SLC7A14: variants seen among roughly 807,000 people sequenced by gnomAD.
The protein encoded by SLC7A14 is gamma-aminobutyric acid transporter SLC7A14.
Under a neutral mutation model 60.2 loss-of-function variants are expected in SLC7A14, and 37 were observed. The ratio of observed to expected loss-of-function variants is 0.61; its 90% confidence interval spans 0.47 to 0.81. The LOEUF (loss-of-function observed/expected upper bound fraction) is 0.81, where lower values mean the gene tolerates loss of function less well. Among genes scored for constraint, SLC7A14 ranks in the 30% least tolerant of loss-of-function variants. The pLI is 0.00. For synonymous variants in SLC7A14, 399 were observed against 395.8 expected, an observed-to-expected ratio of 1.01 and a Z score of -0.10; for missense variants, 886 against 982.7, an observed-to-expected ratio of 0.90 and a Z score of 1.32.
intron 1 of SLC7A14, among the ~76,000 whole-genome samples, chr3:170,576,037 A>G (rs957348766): frequency 5.3e-5 from 8 of 152,194 alleles, no homozygotes; most frequent in African/African-American, 1.9e-4. Flanking sequence ...TGCTGGTCCC[A>G]TTTCTACAAT....
rs150302971 is a variant in SLC7A14 at position 170,551,600 on chromosome 3, G to A, written c.-152-24512C>T. Among the ~76,000 whole-genome samples, 331 of 152,200 alleles carry A rather than the reference G, an allele frequency of 2.2e-3. 2 individuals are homozygous for A. Among genetic ancestry groups the A allele is most frequent in the African/African-American group, 7.6e-3 (314 of 41,518 alleles). ...TTTTAAAATTACAACCATCCTAAAGGGTGTGAAGTTGTATCTCATTGTGGT... is the reference window on the plus strand; with the variant it reads ...TTTTAAAATTACAACCATCCTAAAGAGTGTGAAGTTGTATCTCATTGTGGT... On this transcript the variant is annotated intron_variant, in intron 1 of 7. Transcript: ENST00000231706.
rs996975544 is a variant in SLC7A14, at chr3:170,463,544, G to A, written c.*3511C>T. The A allele has an allele frequency of 1.3e-5, 2 of 151,966 alleles. No homozygotes were observed. The highest frequency in any genetic ancestry group is 4.8e-5 in the African/African-American group (2 of 41,350). 9.4% of individuals were successfully genotyped at this position (151,966 alleles called of 1,614,324 possible). Reference sequence around the variant, plus strand: ...TTGATTTTCCTTTTTAAGAGACAGGGTATTCTTCTGTTACCCAGGCTGGAG... The same window carrying A: ...TTGATTTTCCTTTTTAAGAGACAGGATATTCTTCTGTTACCCAGGCTGGAG... On this transcript the variant is annotated 3_prime_UTR_variant, in exon 8 of 8. Transcript: ENST00000231706.
chr3:170,522,073 A>C (rs192576513), intron 2 of SLC7A14, among the ~76,000 whole-genome samples: 33 of 152,242 alleles, frequency 2.2e-4, no homozygotes, highest in Non-Finnish European at 4.4e-5. Flanking sequence ...AAACATTGCT[A>C]TATACCTTTT....
rs530919609 is a variant in SLC7A14 at position 170,466,823 on chromosome 3, G to T, written c.*232C>A. 4.2e-6 allele frequency: 2 copies of T among 478,766 alleles called. No individual in the cohort carries two copies. The highest frequency in any genetic ancestry group is 7.1e-5 in the East Asian group (2 of 28,046). The allele number at this position is 478,766 out of a possible 1,614,324, so 29.7% of individuals were successfully genotyped here. A position where few individuals can be genotyped will look rare whatever the true frequency, so the allele number is the denominator to read the frequency against. On this transcript the variant is annotated 3_prime_UTR_variant, in exon 8 of 8. Transcript: ENST00000231706. ...AAGATGGAATTTCATATAGCCTCTT[G>T]TTTATTTATTTATTTTATTTAACAA...
chr3:170,579,977 A>C (rs1019707951), intron 1 of SLC7A14, among the ~76,000 whole-genome samples: 1 of 152,180 alleles, frequency 6.6e-6, no homozygotes, highest in African/African-American at 2.4e-5. Flanking sequence ...GGCCATCACT[A>C]TTTATGCCCC....
intron 3 of SLC7A14, among the ~76,000 whole-genome samples, chr3:170,499,298 G>C (rs369044682): frequency 4.6e-5 from 2 of 43,598 alleles, no homozygotes; most frequent in Non-Finnish European, 3.6e-5. Context: ...AAGGAACTCT[G>C]TGTGTGTGTG....
intron 5 of SLC7A14, among the ~76,000 whole-genome samples, chr3:170,484,340 A>G (rs1231876572): frequency 1.3e-5 from 2 of 152,194 alleles, no homozygotes; most frequent in Non-Finnish European, 2.9e-5. Flanking sequence ...CACTCTGCCT[A>G]CGGGGAGAAA....
intron 3 of SLC7A14, among the ~76,000 whole-genome samples, chr3:170,500,464 A>AT (rs1491267860): frequency 7.0e-6 from 1 of 142,838 alleles, no homozygotes; most frequent in Non-Finnish European, 1.5e-5. Flanking sequence ...AAAAAAAAAA[A>AT]GGAGTGGATG....
At chr3:170,478,264 G>T (rs549453871) in intron 7 of SLC7A14, among the ~76,000 whole-genome samples, 1 of 152,080 alleles carries the variant, frequency 6.6e-6, no homozygotes, top group African/African-American at 2.4e-5. Context: ...TTTTTATAGA[G>T]ATGGGGTTTT....
chr3:170,561,380 G>A (rs1485417822), intron 1 of SLC7A14, among the ~76,000 whole-genome samples: 2 of 152,192 alleles, frequency 1.3e-5, no homozygotes, highest in African/African-American at 4.8e-5. Flanking sequence ...AACTGCTTTG[G>A]TTGGTGGTGC....
rs773466583 is a variant in SLC7A14 at position 170,483,322 on chromosome 3, G to A, written c.1107C>T (p.Leu369=). 4 of 1,614,048 alleles carry A rather than the reference G, an allele frequency of 2.5e-6. No homozygotes were observed. In the Admixed American group the frequency reaches 5.0e-5, roughly 20 times the overall value. The change falls in exon 6 of 8, where the codon CTC becomes CTT. Residue 369 remains leucine (L), a synonymous_variant. Transcript: ENST00000231706. ...TGGAGCATAGCCCTTACCTGAAAAGGAGCCCGTCACCAGCCATGGCATAAA... is the reference window on the plus strand; with the variant it reads ...TGGAGCATAGCCCTTACCTGAAAAGAAGCCCGTCACCAGCCATGGCATAAA... ...RVIYAMAGDG[L]LFRFLAHVSS... is the part of the protein sequence containing the mutation.
At chr3:170,548,302 G>C (rs762401725) in intron 1 of SLC7A14, among the ~76,000 whole-genome samples, 17 of 151,330 alleles carry the variant, frequency 1.1e-4, no homozygotes, top group Admixed American at 3.9e-4. Context: ...TATTTTAACA[G>C]ACATTAAAAA....
At chr3:170,530,339 A>G (rs1015788667) in intron 1 of SLC7A14, among the ~76,000 whole-genome samples, 1 of 152,174 alleles carries the variant, frequency 6.6e-6, no homozygotes, top group Non-Finnish European at 1.5e-5. Flanking sequence ...TGAGACTGGT[A>G]TGGGGTAAGG....
At chr3:170,531,235 G>T (rs1422310491) in intron 1 of SLC7A14, among the ~76,000 whole-genome samples, 1 of 151,966 alleles carries the variant, frequency 6.6e-6, no homozygotes, top group Non-Finnish European at 1.5e-5. Context: ...ACTCTGACAG[G>T]TACTTCCGGT....
At chr3:170,543,547 G>C (rs1714083342) in intron 1 of SLC7A14, among the ~76,000 whole-genome samples, 1 of 151,780 alleles carries the variant, frequency 6.6e-6, no homozygotes, top group Non-Finnish European at 1.5e-5. Context: ...TACTCGGGAG[G>C]CTGAGGCAGG....
intron 7 of SLC7A14, among the ~76,000 whole-genome samples, chr3:170,473,661 A>G (rs1553864535): frequency 6.6e-6 from 1 of 151,498 alleles, no homozygotes; most frequent in African/African-American, 2.4e-5. Context: ...TCCCACCCCC[A>G]CCTCAACCCC....
In SLC7A14 at chr3:170,462,121, A is replaced by G. The variant is rs1277638612; in HGVS notation, c.*4934T>C. 1 of 152,180 alleles carries G rather than the reference A, an allele frequency of 6.6e-6. No homozygotes were observed. Among genetic ancestry groups the G allele is most frequent in the Non-Finnish European group, 1.5e-5 (1 of 68,050 alleles). 9.4% of individuals were successfully genotyped at this position (152,180 alleles called of 1,614,324 possible). On this transcript the variant is annotated 3_prime_UTR_variant, in exon 8 of 8. Transcript: ENST00000231706. Reference sequence around the variant, plus strand: ...ACACAATAAGACATTCTAATCTGAGATTCATAATTAGGTAAACCTGTGTTT... The same window carrying G: ...ACACAATAAGACATTCTAATCTGAGGTTCATAATTAGGTAAACCTGTGTTT...
chr3:170,479,574 T>C (rs1711742654), intron 7 of SLC7A14, among the ~76,000 whole-genome samples: 1 of 152,142 alleles, frequency 6.6e-6, no homozygotes, highest in Non-Finnish European at 1.5e-5. Context: ...ACACCCAAAA[T>C]TGTAGACAAT....
chr3:170,526,049 T>C (rs1577537122), intron 2 of SLC7A14, among the ~76,000 whole-genome samples: 2 of 146,024 alleles, frequency 1.4e-5, no homozygotes, highest in East Asian at 2.1e-4. Context: ...TGCACTCCAG[T>C]CTGGGCGACA....
Sources: gnomAD v4.1 joint callset for allele counts (sites outside exome capture counted in the v4.1 genomes callset) on GRCh38, gnomAD v4.1.1 for gene constraint, MANE v1.5 for transcripts, NCBI Gene and HGNC (gene_info 2026-07-23, HGNC 2026-07-21) for gene names.